Variants in GALNT13 observed in about 807,000 individuals in gnomAD.
The protein encoded by GALNT13 is UDP-GalNAc:polypeptide N-acetylgalactosaminyltransferase 13.
In GALNT13, 28 loss-of-function variants were observed where a neutral mutation model predicts 64.2. The ratio of observed to expected loss-of-function variants is 0.44; its 90% CI spans 0.32 to 0.60. The LOEUF is 0.60. Ranked by LOEUF, GALNT13 falls within the 20% of genes least tolerant of loss-of-function variation. GALNT13 has a pLI of 0.05. For synonymous variants in GALNT13, 214 were observed against 224.6 expected, an observed-to-expected ratio of 0.95 and a Z score of 0.42; for missense variants, 577 against 669.8, an observed-to-expected ratio of 0.86 and a Z score of 1.53.
intron 12 of GALNT13, among the ~76,000 whole-genome samples, chr2:154,439,121 T>C (rs1701151069): frequency 6.6e-6 from 1 of 152,208 alleles, no homozygotes; most frequent in South Asian, 2.1e-4. Flanking sequence ...GACATTTATG[T>C]TCCTCAACTG....
chr2:153,215,099 A>C, the GALNT13 span, among the ~76,000 whole-genome samples: 1 of 152,092 alleles, frequency 6.6e-6, no homozygotes, highest in African/African-American at 2.4e-5. Context: ...TTCATATCTT[A>C]ACTATTTAAA....
At chr2:154,296,901 C>A (rs113042252) in intron 8 of GALNT13, among the ~76,000 whole-genome samples, 2,917 of 152,244 alleles carry the variant, frequency 0.019, 68 homozygotes, top group African/African-American at 0.059. Context: ...GAAGACCTCT[C>A]TGATGAAGTG....
the GALNT13 span, among the ~76,000 whole-genome samples, chr2:153,147,201 G>A: frequency 3.3e-5 from 5 of 151,942 alleles, no homozygotes; most frequent in East Asian, 5.8e-4. Context: ...TCTTCCTGCT[G>A]TGCTTATTTT....
the GALNT13 span, among the ~76,000 whole-genome samples, chr2:153,719,780 C>G: frequency 6.7e-6 from 1 of 150,154 alleles, no homozygotes; most frequent in Admixed American, 6.6e-5. Context: ...CACCACGAGA[C>G]TATATCCCAC....
chr2:153,751,741 G>A, the GALNT13 span, among the ~76,000 whole-genome samples: 1 of 151,432 alleles, frequency 6.6e-6, no homozygotes, highest in Admixed American at 6.6e-5. Context: ...TGTATTTACT[G>A]TAGGCAATAG....
intron 2 of GALNT13, among the ~76,000 whole-genome samples, chr2:153,923,008 T>C (rs1689861188): frequency 6.6e-6 from 1 of 152,132 alleles, no homozygotes; most frequent in South Asian, 2.1e-4. Flanking sequence ...CAAGCAATTC[T>C]CCTGCCTCAG....
chr2:154,345,169 G>A (rs2105236529), intron 9 of GALNT13, among the ~76,000 whole-genome samples: 1 of 152,162 alleles, frequency 6.6e-6, no homozygotes, highest in African/African-American at 2.4e-5. Context: ...CACTCCTAAA[G>A]ATATTGTTGA....
chr2:153,755,618 T>G, the GALNT13 span, among the ~76,000 whole-genome samples: 6 of 152,190 alleles, frequency 3.9e-5, no homozygotes, highest in East Asian at 1.2e-3. Flanking sequence ...ATAGAGTGTT[T>G]TGAGTTACTT....
chr2:153,362,558 A>C, the GALNT13 span, among the ~76,000 whole-genome samples: 1 of 75,616 alleles, frequency 1.3e-5, no homozygotes, highest in African/African-American at 3.9e-5. Flanking sequence ...GAGAGCAAAA[A>C]AAAAAAAAAA....
chr2:154,232,869 C>CAA (rs536022439), intron 4 of GALNT13, among the ~76,000 whole-genome samples: 4 of 119,748 alleles, frequency 3.3e-5, no homozygotes, highest in Non-Finnish European at 1.8e-5. Context: ...TTTGTCGCTA[C>CAA]AAAAAAAAAA....
chr2:153,078,775 T>G, the GALNT13 span, among the ~76,000 whole-genome samples: 1 of 152,180 alleles, frequency 6.6e-6, no homozygotes, highest in African/African-American at 2.4e-5. Context: ...TCAGAAAATG[T>G]TCATCACTTC....
At chr2:154,005,328 T>C (rs1461196470) in intron 3 of GALNT13, among the ~76,000 whole-genome samples, 3 of 152,220 alleles carry the variant, frequency 2.0e-5, no homozygotes, top group Non-Finnish European at 4.4e-5. Context: ...TTTTTATTTG[T>C]TGCGAATTTT....
chr2:153,814,838 T>C, the GALNT13 span, among the ~76,000 whole-genome samples: 9 of 152,348 alleles, frequency 5.9e-5, no homozygotes, highest in Admixed American at 5.2e-4. Context: ...CATGTATTAT[T>C]CTAAAACACA....
At chr2:153,297,857 G>A in the GALNT13 span, among the ~76,000 whole-genome samples, 1 of 152,298 alleles carries the variant, frequency 6.6e-6, no homozygotes, top group Non-Finnish European at 1.5e-5. Flanking sequence ...GTGTCACAAT[G>A]TGCTGACTGA....
chr2:153,161,090 A>G, the GALNT13 span, among the ~76,000 whole-genome samples: 5 of 152,182 alleles, frequency 3.3e-5, no homozygotes, highest in Non-Finnish European at 7.3e-5. Flanking sequence ...TATTCCAACA[A>G]TTACTGTTAA....
intron 4 of GALNT13, among the ~76,000 whole-genome samples, chr2:154,217,775 A>G (rs190559540): frequency 8.5e-5 from 13 of 152,326 alleles, no homozygotes; most frequent in African/African-American, 2.9e-4. Flanking sequence ...ATGGAAGTAT[A>G]TAAAGTGGGA....
At chr2:153,522,736 C>A in the GALNT13 span, among the ~76,000 whole-genome samples, 1 of 152,122 alleles carries the variant, frequency 6.6e-6, no homozygotes, top group Non-Finnish European at 1.5e-5. Context: ...TTTAAGAGTT[C>A]TTTGTGTATT....
chr2:153,995,335 A>G (rs1695450339), intron 3 of GALNT13, among the ~76,000 whole-genome samples: 1 of 152,046 alleles, frequency 6.6e-6, no homozygotes, highest in South Asian at 2.1e-4. Flanking sequence ...TTTATGTTTA[A>G]TTTTCTACAC....
the GALNT13 span, among the ~76,000 whole-genome samples, chr2:153,133,463 T>A: frequency 6.6e-6 from 1 of 152,086 alleles, no homozygotes; most frequent in African/African-American, 2.4e-5. Context: ...TTAACAGGAA[T>A]CCTTCTTGCT....
Sources: allele counts gnomAD v4.1 joint callset (sites outside exome capture counted in the v4.1 genomes callset), GRCh38; gene constraint gnomAD v4.1.1; transcripts MANE v1.5; gene names NCBI Gene and HGNC (gene_info 2026-07-23, HGNC 2026-07-21).